CFAP74: variants seen among roughly 807,000 people sequenced by gnomAD.
CFAP74 encodes cilia and flagella associated protein 74, also known as cilia- and flagella-associated protein 74.
CFAP74 carries 124 observed loss-of-function variants against 188.9 expected under a neutral mutation model. The ratio of observed to expected loss-of-function variants is 0.66; its 90% CI spans 0.57 to 0.76. The LOEUF (loss-of-function observed/expected upper bound fraction) is 0.76, where lower values mean the gene tolerates loss of function less well. CFAP74 is among the 30% of genes least tolerant of loss of function. CFAP74 has a pLI of 0.00. For missense variants in CFAP74, 2,198 were observed against 2,165.2 expected, an observed-to-expected ratio of 1.02 and a Z score of -0.30; for synonymous variants, 956 against 916.7, an observed-to-expected ratio of 1.04 and a Z score of -0.77.
intron 15 of CFAP74, among the ~76,000 whole-genome samples, chr1:1,959,473 C>T (rs992827667): frequency 2.0e-5 from 3 of 152,154 alleles, no homozygotes; most frequent in African/African-American, 4.8e-5. Context: ...GCCATGTTGC[C>T]CAGGCTGGTC....
At chr1:1,988,833 C>G in intron 3 of CFAP74, 56 bp downstream of exon 3, 1 of 420,760 alleles carries the variant, frequency 2.4e-6, no homozygotes, top group Non-Finnish European at 4.3e-6. Context: ...CCCCCCCACC[C>G]CCACCCCCAC....
At chr1:1,972,398 C>T (rs1239751169) in intron 8 of CFAP74, among the ~76,000 whole-genome samples, 1 of 152,222 alleles carries the variant, frequency 6.6e-6, no homozygotes, top group African/African-American at 2.4e-5. Context: ...CGGGCCATGA[C>T]GACATGGTGG....
intron 1 of CFAP74, among the ~76,000 whole-genome samples, chr1:1,997,757 G>A (rs1326510840): frequency 6.6e-6 from 1 of 152,118 alleles, no homozygotes; most frequent in Non-Finnish European, 1.5e-5. Context: ...AAAGGAGACA[G>A]ACATAAAAAT....
chr1:1,982,591 A>G (rs1656971517), intron 6 of CFAP74, among the ~76,000 whole-genome samples: 1 of 152,246 alleles, frequency 6.6e-6, no homozygotes, highest in African/African-American at 2.4e-5. Context: ...CACTGAAGAT[A>G]TGCAGGGAAC....
chr1:1,930,204 C>T lies in CFAP74; in HGVS notation c.3144G>A (p.Leu1048=). ...VATVYVINSH[L]SMSSPTHSKP... ...TGGAGTGGGTCGGTGAGCTCATGCT[C>T]AGGTGAGAGTTGATGACGTACACTG... Residue 1048 remains leucine (L), a synonymous_variant, in exon 26 of 39, where the codon CTG becomes CTA. Coordinates refer to ENST00000682832, the MANE Select transcript of CFAP74 (RefSeq NM_001304360.2). 2.0e-6 allele frequency: 3 copies of T among 1,535,698 alleles called. No homozygotes were observed. Among genetic ancestry groups the T allele is most frequent in the East Asian group, 2.4e-5 (1 of 40,920 alleles).
At chr1:2,000,150 C>T (rs1414759503) in intron 1 of CFAP74, among the ~76,000 whole-genome samples, 5 of 151,946 alleles carry the variant, frequency 3.3e-5, no homozygotes, top group East Asian at 1.9e-4. Flanking sequence ...GGCGACAGAG[C>T]GAGACTCCAT....
intron 18 of CFAP74, among the ~76,000 whole-genome samples, chr1:1,947,463 G>A (rs903496845): frequency 1.3e-5 from 2 of 152,186 alleles, no homozygotes; most frequent in East Asian, 1.9e-4. Context: ...ACCTGCTACT[G>A]GCGTGTTTGA....
chr1:1,956,890 G>A (rs1157199150), intron 16 of CFAP74, 106 bp from the exon 17 acceptor site: 1 of 1,182,992 alleles, frequency 8.5e-7, no homozygotes, highest in Non-Finnish European at 1.2e-6. Context: ...GAGCATTTGT[G>A]CGCGTTGTGC....
intron 22 of CFAP74, among the ~76,000 whole-genome samples, chr1:1,941,250 C>T (rs980384147): frequency 6.6e-6 from 1 of 152,246 alleles, no homozygotes; most frequent in African/African-American, 2.4e-5. Context: ...CCCTGTTCCC[C>T]TCCTAGTCCC....
At chr1:1,939,080 G>C (rs1281558603) in intron 24 of CFAP74, 92 bp from the exon 25 acceptor site, 9 of 1,277,064 alleles carry the variant, frequency 7.0e-6, no homozygotes, top group Non-Finnish European at 9.7e-6. Context: ...TAAGAGATGA[G>C]TGTGATCGTG....
rs1299557370 is a variant in CFAP74 at position 1,998,696 on chromosome 1, AAC to A, written c.-20+5003_-20+5004del. Among the ~76,000 whole-genome samples the A allele has an allele frequency of 3.0e-3, 459 of 151,314 alleles. 2 individuals are homozygous for A. The South Asian group carries it at 0.031, about 10-fold the overall frequency. On this transcript the variant is annotated intron_variant, in intron 1 of 38. Transcript: ENST00000682832. ...AAGACCATCCTGGCTAACAGGGTGA[AAC>A]CTCATCTCTACTAAAAATACAAAAA...
Position 1,923,651 on chromosome 1 carries a change from G to A in CFAP74, c.4389+124C>T. The A allele has an allele frequency of 1.3e-6, 2 of 1,536,148 alleles. No homozygotes were observed. The highest frequency in any genetic ancestry group is 1.8e-6 in the Non-Finnish European group (2 of 1,122,250). On this transcript the variant is annotated intron_variant, in intron 35 of 38. Coordinates refer to ENST00000682832, the MANE Select transcript of CFAP74 (RefSeq NM_001304360.2). This position sits in a 1 kb window ranked among gnomAD's most constrained non-coding sequence, Gnocchi z 6.3. The stretch of plus-strand genomic sequence containing the variant: ...GGTCTTTCCACTGACGGCCCTCAGT[G>A]TGGTGCTGAGTCCCCCAGCCATGGT...
intron 6 of CFAP74, among the ~76,000 whole-genome samples, chr1:1,982,213 TCA>T (rs1656938061): frequency 2.3e-5 from 3 of 128,028 alleles, no homozygotes; most frequent in African/African-American, 9.0e-5. Context: ...CCAGCCGTGG[TCA>T]CACGCGGGGA....
intron 18 of CFAP74, 195 bp downstream of exon 18, chr1:1,955,496 T>C: frequency 6.2e-7 from 1 of 1,602,156 alleles, no homozygotes; most frequent in Non-Finnish European, 8.5e-7. Flanking sequence ...AACGTGAATG[T>C]ACATTTTCGT....
chr1:1,992,039 C>CAAAA lies in CFAP74; in HGVS notation c.-19-1068_-19-1065dup, dbSNP rs537739387. 2.3e-4 allele frequency among the ~76,000 whole-genome samples: 30 copies of CAAAA among 133,198 alleles called. 1 individual carries two copies. Among genetic ancestry groups the CAAAA allele is most frequent in the African/African-American group, 7.7e-4 (27 of 35,160 alleles). 87.4% of individuals were successfully genotyped at this position (133,198 alleles called of 152,430 possible). On this transcript the variant is annotated intron_variant, in intron 1 of 38. Transcript: ENST00000682832. ...TGGGTGACAGAGCGAGACTCCGTCT[C>CAAAA]AAAAAAAAAAAAATGCCTGAGATCA...
In CFAP74 at chr1:1,973,956, G is replaced by A; in HGVS notation, c.674+69C>T. ...GGCGAGGCTGAATCTGGAGACCCCT[G>A]GGGGAGAGGGCGGAGGGGCTGGCAG... is the stretch of plus-strand genomic sequence containing the variant. On this transcript the variant is annotated intron_variant, in intron 7 of 38. Coordinates refer to ENST00000682832, the MANE Select transcript of CFAP74 (RefSeq NM_001304360.2). The surrounding 1 kb of genome is among the most constrained non-coding windows in gnomAD (Gnocchi z 6.2). The A allele has an allele frequency of 7.1e-7, 1 of 1,403,366 alleles. No individual in the cohort carries two copies. The highest frequency in any genetic ancestry group is 2.6e-5 in the East Asian group (1 of 37,802). 86.9% of individuals were successfully genotyped at this position (1,403,366 alleles called of 1,614,324 possible).
At chr1:1,922,453 C>T in intron 38 of CFAP74, 65 bp from the exon 39 acceptor site, 1 of 1,547,006 alleles carries the variant, frequency 6.5e-7, no homozygotes, top group African/African-American at 1.4e-5. Flanking sequence ...GATCTGCTGT[C>T]TTCCCACTGC....
At chr1:1,953,115 C>T (rs1235474364) in intron 18 of CFAP74, among the ~76,000 whole-genome samples, 2 of 151,988 alleles carry the variant, frequency 1.3e-5, no homozygotes, top group Non-Finnish European at 2.9e-5. Flanking sequence ...GGCCCTAATG[C>T]AAATATTGTG....
rs1558042358 is a variant in CFAP74 at position 1,971,111 on chromosome 1, A to ACT, written c.889-296_889-295insAG. Among the ~76,000 whole-genome samples the ACT allele has an allele frequency of 6.5e-4, 83 of 127,386 alleles. 1 individual carries two copies. The highest frequency in any genetic ancestry group is 3.2e-3 in the African/African-American group (70 of 21,812). The allele number at this position is 127,386 out of a possible 152,430, so 83.6% of individuals were successfully genotyped here. A position where few individuals can be genotyped will look rare whatever the true frequency, so the allele number is the denominator to read the frequency against. On this transcript the variant is annotated intron_variant, in intron 9 of 38. Transcript: ENST00000682832. ...TACATGCACACCTGCACACGTGTGC[A>ACT]CACACATGCTCACACGTGCACACAC... is the stretch of plus-strand genomic sequence containing the variant.
Sources: allele counts gnomAD v4.1 joint callset (sites outside exome capture counted in the v4.1 genomes callset), GRCh38; gene constraint gnomAD v4.1.1; non-coding constraint Gnocchi (gnomAD v3.1); transcripts MANE v1.5; gene names NCBI Gene and HGNC (gene_info 2026-07-23, HGNC 2026-07-21).